The following TTLL5 variants were observed in gnomAD, a reference collection of about 807,000 sequenced individuals.
TTLL5 encodes tubulin tyrosine ligase like 5, also known as tubulin polyglutamylase TTLL5.
Under a neutral mutation model 168.4 loss-of-function variants are expected in TTLL5, and 132 were observed. The observed-to-expected ratio is 0.78, with a 90% CI of 0.68 to 0.91. TTLL5 has a LOEUF of 0.91. Ranked by LOEUF, TTLL5 falls within the 40% of genes least tolerant of loss-of-function variation. TTLL5 has a pLI of 0.00. For synonymous variants in TTLL5, 546 were observed against 558.6 expected, an observed-to-expected ratio of 0.98 and a Z score of 0.32; for missense variants, 1,545 against 1,581.5, an observed-to-expected ratio of 0.98 and a Z score of 0.39.
chr14:75,935,326 C>T (rs1021180642), intron 31 of TTLL5, among the ~76,000 whole-genome samples: 1 of 152,180 alleles, frequency 6.6e-6, no homozygotes, highest in African/African-American at 2.4e-5. Context: ...TTTCAGAGAG[C>T]TCTAAGGAGC....
intron 28 of TTLL5, among the ~76,000 whole-genome samples, chr14:75,845,391 CCTT>C (rs1014960117): frequency 4.6e-5 from 7 of 152,122 alleles, no homozygotes; most frequent in African/African-American, 1.7e-4. Flanking sequence ...TGACTTTTTT[CCTT>C]CTTCTTTGCA....
intron 19 of TTLL5, 122 bp downstream of exon 19, chr14:75,764,894 T>A: frequency 8.9e-7 from 1 of 1,120,266 alleles, no homozygotes; most frequent in Non-Finnish European, 1.2e-6. Flanking sequence ...CTTTTTTATA[T>A]AGTTTTTTCT....
At chr14:75,730,751 T>G in intron 12 of TTLL5, among the ~76,000 whole-genome samples, 1 of 152,082 alleles carries the variant, frequency 6.6e-6, no homozygotes, top group East Asian at 1.9e-4. Context: ...GGATTCTTTT[T>G]TTTTTTCACC....
At chr14:75,733,853 C>A (rs1327291005) in intron 13 of TTLL5, 136 bp from the exon 14 acceptor site, 1 of 747,414 alleles carries the variant, frequency 1.3e-6, no homozygotes. Flanking sequence ...CCCACCGCCC[C>A]CGTGGATTTT....
rs757727112 is a variant in TTLL5, at chr14:75,683,669, G to T, written c.371+13G>T. ...ATCACTTTCCCAGGTAATGCTCTTTGTAGCTGCTTTGCTTCATTTAAAGGT... is the reference window on the plus strand; with the variant it reads ...ATCACTTTCCCAGGTAATGCTCTTTTTAGCTGCTTTGCTTCATTTAAAGGT... On this transcript the variant is annotated intron_variant, in intron 5 of 31. Transcript: ENST00000298832. 4.4e-6 allele frequency: 7 copies of T among 1,602,940 alleles called. No homozygotes were observed. The highest frequency in any genetic ancestry group is 1.7e-5 in the Admixed American group (1 of 59,922).
intron 9 of TTLL5, chr14:75,711,629 A>C (rs1438915271): frequency 2.0e-5 from 3 of 152,214 alleles, no homozygotes; most frequent in Non-Finnish European, 4.4e-5. Flanking sequence ...CAGGGAGCTG[A>C]GTTCCACCCA....
At chr14:75,798,779 T>C (rs1893129247) in intron 27 of TTLL5, among the ~76,000 whole-genome samples, 2 of 152,132 alleles carry the variant, frequency 1.3e-5, no homozygotes, top group Admixed American at 6.5e-5. Context: ...GTGTTGAGGG[T>C]TCCTTTTGGA....
intron 20 of TTLL5, among the ~76,000 whole-genome samples, chr14:75,771,036 C>T (rs962306896): frequency 6.6e-6 from 1 of 152,162 alleles, no homozygotes; most frequent in African/African-American, 2.4e-5. Flanking sequence ...TTCTTATGGA[C>T]CTCCAAATGT....
At position 75,719,756 on chromosome 14, in the gene TTLL5, G is replaced by C. The variant is rs371882450; in HGVS notation, c.864G>C (p.Glu288Asp). ...TTAGTTGTGACGATCCAGAAGTGGAGGATTATGGAAACAAATGGAGCATGA... is the reference window on the plus strand; with the variant it reads ...TTAGTTGTGACGATCCAGAAGTGGACGATTATGGAAACAAATGGAGCATGA... Reference protein sequence around the residue: ...DYVSCDDPEVEDYGNKWSMSA... With the variant: ...DYVSCDDPEVDDYGNKWSMSA... Residue 288 changes from glutamate to aspartate, a missense_variant, in exon 11 of 32, where the codon GAG (glutamate) becomes GAC (aspartate). Physicochemically the swap from Glu to Asp is conservative, Grantham distance 45 (BLOSUM62 2). Coordinates refer to ENST00000298832, the MANE Select transcript of TTLL5 (RefSeq NM_015072.5). 53 of 1,612,040 alleles carry C rather than the reference G, an allele frequency of 3.3e-5. No homozygotes were observed. The highest frequency in any genetic ancestry group is 4.3e-5 in the Non-Finnish European group (51 of 1,179,328).
chr14:75,825,251 A>G (rs1895057192), intron 28 of TTLL5, among the ~76,000 whole-genome samples: 1 of 152,164 alleles, frequency 6.6e-6, no homozygotes, highest in Non-Finnish European at 1.5e-5. Context: ...CTTGCTTGGG[A>G]TATGGTATTG....
chr14:75,831,501 C>T (rs1895560778), intron 28 of TTLL5, among the ~76,000 whole-genome samples: 1 of 152,184 alleles, frequency 6.6e-6, no homozygotes, highest in Non-Finnish European at 1.5e-5. Flanking sequence ...TACCCTCCCT[C>T]TACTGCCCAC....
chr14:75,887,209 GT>G, intron 30 of TTLL5: 2 of 993,648 alleles, frequency 2.0e-6, no homozygotes, highest in Non-Finnish European at 2.4e-6. Context: ...CCCAATTAAT[GT>G]TACCTGAACA....
intron 6 of TTLL5, among the ~76,000 whole-genome samples, chr14:75,692,482 T>A (rs80323517): frequency 6.6e-6 from 1 of 152,134 alleles, no homozygotes; most frequent in Admixed American, 6.5e-5. Flanking sequence ...CAGTGCTTAA[T>A]TGAGTGTGGG....
intron 31 of TTLL5, among the ~76,000 whole-genome samples, chr14:75,938,383 G>A (rs1314639415): frequency 6.6e-6 from 1 of 152,200 alleles, no homozygotes; most frequent in Non-Finnish European, 1.5e-5. Context: ...GCCAGTGGGG[G>A]AGCCCATGGA....
chr14:75,950,108 A>T (rs1195042429), intron 31 of TTLL5, among the ~76,000 whole-genome samples: 1 of 152,196 alleles, frequency 6.6e-6, no homozygotes, highest in African/African-American at 2.4e-5. Context: ...AAAATAGAGA[A>T]ACCTAAAACT....
At chr14:75,823,192 G>A (rs762089445) in intron 28 of TTLL5, among the ~76,000 whole-genome samples, 30 of 152,144 alleles carry the variant, frequency 2.0e-4, no homozygotes, top group African/African-American at 6.0e-4. Context: ...GTGCTGATAC[G>A]TGGGTGTGTT....
rs1884613973 is a variant in TTLL5, at chr14:75,681,567, G to A, written c.204G>A (p.Lys68=). 6.2e-7 allele frequency: 1 copy of A among 1,613,380 alleles called. No individual in the cohort carries two copies. Among genetic ancestry groups the A allele is most frequent in the Non-Finnish European group, 8.5e-7 (1 of 1,179,924 alleles). Residue 68 remains lysine (K), a synonymous_variant, in exon 4 of 32, where the codon AAG becomes AAA. Transcript: ENST00000298832. ...TAGAACGTTATCATTTGTCTTATAA[G>A]ATTGTACGAACGGACAGTCGCCTAG... ...VIGERYHLSY[K]IVRTDSRLVR...
chr14:75,880,971 T>C (rs1001427593), intron 29 of TTLL5, among the ~76,000 whole-genome samples: 2 of 152,194 alleles, frequency 1.3e-5, no homozygotes, highest in South Asian at 2.1e-4. Flanking sequence ...TGGAGTGCAG[T>C]GGTGCAGTCT....
At chr14:75,797,792 G>A (rs1242826207) in intron 27 of TTLL5, among the ~76,000 whole-genome samples, 2 of 152,078 alleles carry the variant, frequency 1.3e-5, no homozygotes, top group African/African-American at 4.8e-5. Flanking sequence ...TTATCTTTTT[G>A]ATATGCTGTT....
Sources: gnomAD v4.1 joint callset for allele counts (sites outside exome capture counted in the v4.1 genomes callset) on GRCh38, gnomAD v4.1.1 for gene constraint, MANE v1.5 for transcripts, NCBI Gene and HGNC (gene_info 2026-07-23, HGNC 2026-07-21) for gene names.